EXOC5: variants seen among roughly 807,000 people sequenced by gnomAD.
EXOC5 encodes SEC10-like 1.
Under a neutral mutation model 90.8 loss-of-function variants are expected in EXOC5, and 17 were observed. That is an observed-to-expected ratio of 0.19 (90% CI 0.13 to 0.28). EXOC5 has a LOEUF of 0.28. Among genes scored for constraint, EXOC5 ranks in the 10% least tolerant of loss-of-function variants. The probability of loss-of-function intolerance (pLI) is 1.00; values close to 1 mark genes in which losing one functional copy is unlikely to be tolerated. For synonymous variants in EXOC5, 260 were observed against 270.0 expected, an observed-to-expected ratio of 0.96 and a Z score of 0.36; for missense variants, 569 against 830.6, an observed-to-expected ratio of 0.69 and a Z score of 3.87.
intron 12 of EXOC5, among the ~76,000 whole-genome samples, chr14:57,224,437 A>G (rs1283804489): frequency 1.3e-5 from 2 of 152,256 alleles, no homozygotes; most frequent in African/African-American, 2.4e-5. Context: ...AGAAAATATC[A>G]TGAATATAAT....
intron 14 of EXOC5, among the ~76,000 whole-genome samples, chr14:57,218,700 G>A (rs1200507738): frequency 6.6e-6 from 1 of 152,004 alleles, no homozygotes; most frequent in African/African-American, 2.4e-5. Context: ...CTTTGAGACT[G>A]TTTCTGGACT....
At position 57,262,044 on chromosome 14, in the gene EXOC5, T is replaced by G. The variant is rs574456445; in HGVS notation, c.27+6578A>C. Among the ~76,000 whole-genome samples the G allele has an allele frequency of 4.1e-4, 62 of 152,266 alleles. 3 individuals carry two copies. In the South Asian group the frequency reaches 0.012, roughly 31 times the overall value. Reference sequence around the variant, plus strand: ...ACAGCCCCTTTTTGTAATCCTCTCCTACTATAATCTCCTACTTCTTGGATC... The same window carrying G: ...ACAGCCCCTTTTTGTAATCCTCTCCGACTATAATCTCCTACTTCTTGGATC... On this transcript the variant is annotated intron_variant, in intron 1 of 17. Transcript: ENST00000621441.
At chr14:57,261,847 A>G (rs1175869578) in intron 1 of EXOC5, among the ~76,000 whole-genome samples, 1 of 152,196 alleles carries the variant, frequency 6.6e-6, no homozygotes, top group Admixed American at 6.5e-5. Context: ...CATGGCTGCT[A>G]GAGTCCAAGA....
intron 1 of EXOC5, among the ~76,000 whole-genome samples, chr14:57,257,365 A>C (rs972494244): frequency 6.6e-6 from 1 of 152,238 alleles, no homozygotes; most frequent in Non-Finnish European, 1.5e-5. Flanking sequence ...TAGAGCACAT[A>C]GATGGAAAAA....
intron 1 of EXOC5, among the ~76,000 whole-genome samples, chr14:57,262,788 G>A (rs1379467423): frequency 8.4e-6 from 1 of 118,692 alleles, no homozygotes; most frequent in African/African-American, 4.8e-5. Context: ...TCTTCCCCCT[G>A]CAAGGGTCCT....
At position 57,202,789 on chromosome 14, in the gene EXOC5, C is replaced by T. The variant is rs1459379503; in HGVS notation, c.*5820G>A. On this transcript the variant is annotated 3_prime_UTR_variant, in exon 18 of 18. Transcript: ENST00000621441. ...TTGTTTACACACATGCACACACACA[C>T]ATAATTGGGATAGCAAAATGTTCAT... 1 of 152,102 alleles carries T rather than the reference C, an allele frequency of 6.6e-6. No homozygotes were observed. Among genetic ancestry groups the T allele is most frequent in the Non-Finnish European group, 1.5e-5 (1 of 68,020 alleles). 9.4% of individuals were successfully genotyped at this position (152,102 alleles called of 1,614,324 possible).
At position 57,268,719 on chromosome 14, in the gene EXOC5, G is replaced by A; in HGVS notation, c.-71C>T. 1 of 1,533,862 alleles carries A rather than the reference G, an allele frequency of 6.5e-7. No homozygotes were observed. The highest frequency in any genetic ancestry group is 8.7e-7 in the Non-Finnish European group (1 of 1,147,016). ...TTCACATGCTGCGCCTCAGAGGCGCGGCGCACAGGTCTCCGCTCGGCTCGC... is the reference window on the plus strand; with the variant it reads ...TTCACATGCTGCGCCTCAGAGGCGCAGCGCACAGGTCTCCGCTCGGCTCGC... On this transcript the variant is annotated 5_prime_UTR_variant, in exon 1 of 18. Transcript: ENST00000621441.
intron 1 of EXOC5, among the ~76,000 whole-genome samples, chr14:57,250,185 T>C (rs2139658026): frequency 6.6e-6 from 1 of 152,230 alleles, no homozygotes; most frequent in South Asian, 2.1e-4. Context: ...AGGTAGACTC[T>C]AAGCACAGGG....
In EXOC5 at chr14:57,202,931, A is replaced by G. The variant is rs142382358; in HGVS notation, c.*5678T>C. On this transcript the variant is annotated 3_prime_UTR_variant, in exon 18 of 18. Coordinates refer to ENST00000621441, the MANE Select transcript of EXOC5 (RefSeq NM_006544.4). ...GAAAATACATTCTACTGGAGAACTT[A>G]AGAGAGGCACTTAGGTATTATTCCT... The G allele has an allele frequency of 7.9e-5, 12 of 152,250 alleles. No individual in the cohort carries two copies. Among genetic ancestry groups the G allele is most frequent in the Admixed American group, 3.9e-4 (6 of 15,280 alleles). 9.4% of individuals were successfully genotyped at this position (152,250 alleles called of 1,614,324 possible).
intron 1 of EXOC5, among the ~76,000 whole-genome samples, chr14:57,250,215 C>A (rs1247769328): frequency 6.6e-6 from 1 of 152,052 alleles, no homozygotes; most frequent in Non-Finnish European, 1.5e-5. Context: ...GGTATACAAT[C>A]CATGAAAAGA....
chr14:57,263,739 TAAAAAAAAAAAAAA>T (rs550651836), intron 1 of EXOC5, among the ~76,000 whole-genome samples: 2 of 39,354 alleles, frequency 5.1e-5, no homozygotes, highest in Non-Finnish European at 1.2e-4. Context: ...CACTCCAGCC[TAAAAAAAAAAAAAA>T]AAAAAAAAAG....
rs201078787 is a variant in EXOC5, at chr14:57,262,552, G to GTC, written c.27+6069_27+6070insGA. Among the ~76,000 whole-genome samples, 772 of 148,508 alleles carry GTC rather than the reference G, an allele frequency of 5.2e-3. 9 individuals are homozygous for GTC. The highest frequency in any genetic ancestry group is 0.018 in the African/African-American group (731 of 40,356). On this transcript the variant is annotated intron_variant, in intron 1 of 17. Coordinates refer to ENST00000621441, the MANE Select transcript of EXOC5 (RefSeq NM_006544.4). ...TGTAAATACATATGTGTGTGTGTGT[G>GTC]TGTGTGTGTGTGTATATATATATAC...
chr14:57,267,961 G>A (rs1036643973), intron 1 of EXOC5, among the ~76,000 whole-genome samples: 1 of 151,700 alleles, frequency 6.6e-6, no homozygotes, highest in Admixed American at 6.6e-5. Context: ...TAAATGCCTC[G>A]AGTGTATTAT....
rs1335923649 is a variant in EXOC5 at position 57,202,103 on chromosome 14, G to C, written c.*6506C>G. 1 of 152,076 alleles carries C rather than the reference G, an allele frequency of 6.6e-6. No individual in the cohort carries two copies. The highest frequency in any genetic ancestry group is 1.5e-5 in the Non-Finnish European group (1 of 68,020). 9.4% of individuals were successfully genotyped at this position (152,076 alleles called of 1,614,324 possible). A position where few individuals can be genotyped will look rare whatever the true frequency, so the allele number is the denominator to read the frequency against. On this transcript the variant is annotated 3_prime_UTR_variant, in exon 18 of 18. Coordinates refer to ENST00000621441, the MANE Select transcript of EXOC5 (RefSeq NM_006544.4). ...ACAATAACACAGAGTTGCATCCGTGGTATGTCTGCCAAAAAGCACAAACAG... is the reference window on the plus strand; with the variant it reads ...ACAATAACACAGAGTTGCATCCGTGCTATGTCTGCCAAAAAGCACAAACAG...
chr14:57,218,626 T>C (rs1450447525), intron 14 of EXOC5, among the ~76,000 whole-genome samples: 4 of 152,092 alleles, frequency 2.6e-5, no homozygotes, highest in African/African-American at 7.2e-5. Flanking sequence ...CTTTGTGGCA[T>C]AACAGCTCTT....
intron 1 of EXOC5, among the ~76,000 whole-genome samples, chr14:57,261,519 G>A (rs1884503459): frequency 6.6e-6 from 1 of 152,250 alleles, no homozygotes; most frequent in Non-Finnish European, 1.5e-5. Flanking sequence ...ACTAAGACCA[G>A]CAGAAGGCTA....
intron 13 of EXOC5, among the ~76,000 whole-genome samples, chr14:57,220,628 C>A (rs1883102780): frequency 6.6e-6 from 1 of 151,470 alleles, no homozygotes; most frequent in African/African-American, 2.4e-5. Context: ...AGTAAGACCC[C>A]AACTCTACAA....
intron 4 of EXOC5, 148 bp downstream of exon 4, chr14:57,244,017 T>C: frequency 1.7e-6 from 1 of 598,540 alleles, no homozygotes; most frequent in Non-Finnish European, 3.0e-6. Context: ...AGAAACTGTA[T>C]TAGTTTACAT....
intron 8 of EXOC5, 26 bp from the exon 9 acceptor site, chr14:57,233,909 G>C (rs2139638289): frequency 6.2e-7 from 1 of 1,602,374 alleles, no homozygotes; most frequent in East Asian, 2.2e-5. Context: ...ATTTTATACA[G>C]TGAACATATA....
Sources: gnomAD v4.1 joint callset for allele counts (sites outside exome capture counted in the v4.1 genomes callset) on GRCh38, gnomAD v4.1.1 for gene constraint, MANE v1.5 for transcripts, NCBI Gene and HGNC (gene_info 2026-07-23, HGNC 2026-07-21) for gene names.